Variants in GPR160 observed in about 807,000 individuals in gnomAD.
The protein encoded by GPR160 is G protein-coupled receptor 160, also known as probable G protein-coupled receptor 160.
A neutral mutation model predicts 2.6 loss-of-function variants in GPR160; 2 were observed. The ratio of observed to expected loss-of-function variants is 0.77; its 90% confidence interval spans 0.32 to 2.44. The LOEUF (loss-of-function observed/expected upper bound fraction) is 2.44. GPR160 is among the 30% of genes most tolerant of loss of function. The pLI is 0.11. For missense variants in GPR160, 351 were observed against 383.6 expected (o/e 0.91, Z 0.71); for synonymous variants, 130 against 132.2 (o/e 0.98, Z 0.12).
Position 170,084,430 on chromosome 3 carries a change from A to ATGTT in GPR160, c.460_463dup (p.Leu155CysfsTer66). 1 of 1,610,966 alleles carries ATGTT rather than the reference A, an allele frequency of 6.2e-7. No homozygotes were observed. Among genetic ancestry groups the ATGTT allele is most frequent in the Non-Finnish European group, 8.5e-7 (1 of 1,177,192 alleles). ...TTAATTTGGATTTCAGTCCTTGCTT[A>ATGTT]TGTTTTGGGAGACCCAGCCATCTAC... is the stretch of plus-strand genomic sequence containing the variant. On this transcript the variant is annotated frameshift_variant, in exon 4 of 4. Transcript: ENST00000355897. LOFTEE classifies it low-confidence loss of function (END_TRUNC).
At chr3:170,071,545 C>T (rs1247990333) in intron 2 of GPR160, among the ~76,000 whole-genome samples, 1 of 152,108 alleles carries the variant, frequency 6.6e-6, no homozygotes, top group Admixed American at 6.5e-5. Context: ...GTAATCCCAG[C>T]ACTTTGGGAG....
At chr3:170,075,599 T>C (rs969483838) in intron 2 of GPR160, among the ~76,000 whole-genome samples, 4 of 152,218 alleles carry the variant, frequency 2.6e-5, no homozygotes, top group East Asian at 3.8e-4. Flanking sequence ...ATGTACCATC[T>C]GGAATGCATT....
At chr3:170,081,714 C>T (rs1260752628) in intron 3 of GPR160, among the ~76,000 whole-genome samples, 1 of 152,150 alleles carries the variant, frequency 6.6e-6, no homozygotes, top group African/African-American at 2.4e-5. Context: ...TTCTGCTTCT[C>T]TCCCTCCTCC....
intron 2 of GPR160, among the ~76,000 whole-genome samples, chr3:170,049,647 C>T (rs1716871592): frequency 6.6e-6 from 1 of 152,192 alleles, no homozygotes; most frequent in Admixed American, 6.5e-5. Context: ...GCCTCCAGGG[C>T]TGGTGTAGAG....
At chr3:170,066,430 C>T (rs1011791188) in intron 2 of GPR160, among the ~76,000 whole-genome samples, 1 of 152,004 alleles carries the variant, frequency 6.6e-6, no homozygotes, top group Non-Finnish European at 1.5e-5. Context: ...TGAGCCACCG[C>T]GCCTGGCCAT....
At chr3:170,056,634 G>T (rs780517473) in intron 2 of GPR160, among the ~76,000 whole-genome samples, 1 of 152,184 alleles carries the variant, frequency 6.6e-6, no homozygotes. Flanking sequence ...TCCATAACTG[G>T]TGGCATATTA....
In GPR160 at chr3:170,062,676, A is replaced by G. The variant is rs1712028919; in HGVS notation, c.-192-17098A>G. The G allele has an allele frequency of 1.0e-5, 15 of 1,439,734 alleles. No homozygotes were observed. In the South Asian group the frequency reaches 1.7e-4, roughly 16 times the overall value. The allele number at this position is 1,439,734 out of a possible 1,614,324, so 89.2% of individuals were successfully genotyped here. ...GCCATCGCCAAGCAAGCCTTGAAATAGCCCATCAAGGGCAAACAGGCCCCC... is the reference window on the plus strand; with the variant it reads ...GCCATCGCCAAGCAAGCCTTGAAATGGCCCATCAAGGGCAAACAGGCCCCC... On this transcript the variant is annotated intron_variant, in intron 2 of 3. Coordinates refer to ENST00000355897, the MANE Select transcript of GPR160 (RefSeq NM_014373.3).
Position 170,085,093 on chromosome 3 carries a change from CCTGA to C in GPR160, c.*109_*112del, listed in dbSNP as rs1444944640. On this transcript the variant is annotated 3_prime_UTR_variant, in exon 4 of 4. Coordinates refer to ENST00000355897, the MANE Select transcript of GPR160 (RefSeq NM_014373.3). Reference sequence around the variant, plus strand: ...AACTGAACTAAAACAACTTTTGCCCCCTGACTGATAGCATTTCAGAATGTGTCTT... The same window carrying C: ...AACTGAACTAAAACAACTTTTGCCCCCTGATAGCATTTCAGAATGTGTCTT... The C allele has an allele frequency of 4.2e-5, 22 of 524,796 alleles. No individual in the cohort carries two copies. The highest frequency in any genetic ancestry group is 5.2e-4 in the Middle Eastern group (1 of 1,926). 32.5% of individuals were successfully genotyped at this position (524,796 alleles called of 1,614,324 possible).
chr3:170,038,798 C>T lies in GPR160; in HGVS notation c.-321-117C>T, dbSNP rs1346696068. Reference sequence around the variant, plus strand: ...TGCCCGGCTATTTGTTTTCCGAGGCCGTTGCGTCCGGGTAGGTTCCTGGAT... The same window carrying T: ...TGCCCGGCTATTTGTTTTCCGAGGCTGTTGCGTCCGGGTAGGTTCCTGGAT... On this transcript the variant is annotated intron_variant, in intron 1 of 3. Coordinates refer to ENST00000355897, the MANE Select transcript of GPR160 (RefSeq NM_014373.3). The surrounding 1 kb of genome is among the most constrained non-coding windows in gnomAD (Gnocchi z 5.3). The T allele has an allele frequency of 6.6e-6, 1 of 152,150 alleles. No individual in the cohort carries two copies. The highest frequency in any genetic ancestry group is 1.9e-4 in the East Asian group (1 of 5,170). 9.4% of individuals were successfully genotyped at this position (152,150 alleles called of 1,614,324 possible). A position where few individuals can be genotyped will look rare whatever the true frequency, so the allele number is the denominator to read the frequency against.
Position 170,075,588 on chromosome 3 carries a change from A to G in GPR160, c.-192-4186A>G, listed in dbSNP as rs543823065. On this transcript the variant is annotated intron_variant, in intron 2 of 3. Coordinates refer to ENST00000355897, the MANE Select transcript of GPR160 (RefSeq NM_014373.3). ...GTTGACAGAGGCTCCACCATCTTGTAATGTACCATCTGGAATGCATTGCCT... is the reference window on the plus strand; with the variant it reads ...GTTGACAGAGGCTCCACCATCTTGTGATGTACCATCTGGAATGCATTGCCT... Among the ~76,000 whole-genome samples, 19 of 152,272 alleles carry G rather than the reference A, an allele frequency of 1.2e-4. No homozygotes were observed. The East Asian group carries it at 2.9e-3, about 23-fold the overall frequency.
intron 2 of GPR160, among the ~76,000 whole-genome samples, chr3:170,074,886 G>C (rs934958896): frequency 2.0e-5 from 3 of 151,884 alleles, no homozygotes; most frequent in Non-Finnish European, 4.4e-5. Flanking sequence ...TTTAAATTTA[G>C]GTTATTGAAT....
chr3:170,062,688 G>T, intron 2 of GPR160: 2 of 1,433,476 alleles, frequency 1.4e-6, no homozygotes, highest in South Asian at 1.2e-5. Context: ...CCCATCAAGG[G>T]CAAACAGGCC....
intron 2 of GPR160, among the ~76,000 whole-genome samples, chr3:170,051,377 T>A (rs946263810): frequency 6.6e-6 from 1 of 152,194 alleles, no homozygotes; most frequent in Non-Finnish European, 1.5e-5. Flanking sequence ...ACCATCCTCT[T>A]ATTGAGGTTC....
chr3:170,082,015 C>T lies in GPR160; in HGVS notation c.-68-1890C>T, dbSNP rs139203009. The stretch of plus-strand genomic sequence containing the variant: ...ATTCCATGTTTTTACTATTGTCACA[C>T]TGATTTATCTTCAGACAAAATTATT... On this transcript the variant is annotated intron_variant, in intron 3 of 3. Transcript: ENST00000355897. Among the ~76,000 whole-genome samples the T allele has an allele frequency of 5.9e-5, 9 of 152,222 alleles. No individual in the cohort carries two copies. In the East Asian group the frequency reaches 1.5e-3, roughly 26 times the overall value.
At chr3:170,064,496 A>ATTCTTTTCTT (rs375138387) in intron 2 of GPR160, among the ~76,000 whole-genome samples, 5 of 121,840 alleles carry the variant, frequency 4.1e-5, no homozygotes, top group African/African-American at 1.4e-4. Flanking sequence ...CACGGGACCC[A>ATTCTTTTCTT]TTCTTTTCTT....
intron 2 of GPR160, chr3:170,062,148 C>G (rs1202280326): frequency 6.5e-6 from 1 of 153,198 alleles, no homozygotes; most frequent in Non-Finnish European, 1.5e-5. Flanking sequence ...TCGGGCCCTA[C>G]TGGGCCTAGC....
chr3:170,039,544 C>T (rs1185249627), intron 2 of GPR160, among the ~76,000 whole-genome samples: 2 of 152,124 alleles, frequency 1.3e-5, no homozygotes, highest in African/African-American at 2.4e-5. Flanking sequence ...CCCTTCTCTA[C>T]TAAAAATACA....
chr3:170,075,889 G>C (rs1307017497), intron 2 of GPR160, among the ~76,000 whole-genome samples: 2 of 152,158 alleles, frequency 1.3e-5, no homozygotes, highest in Admixed American at 6.5e-5. Flanking sequence ...TTATGTTTGG[G>C]TTGGTGGGAA....
chr3:170,079,896 G>C lies in GPR160; in HGVS notation c.-70G>C, dbSNP rs1713040183. The C allele has an allele frequency of 6.6e-6, 1 of 152,200 alleles. No homozygotes were observed. The highest frequency in any genetic ancestry group is 1.5e-5 in the Non-Finnish European group (1 of 68,046). 9.4% of individuals were successfully genotyped at this position (152,200 alleles called of 1,614,324 possible). A position where few individuals can be genotyped will look rare whatever the true frequency, so the allele number is the denominator to read the frequency against. ...CATCAGTCAAGGAAGACCCACTGGA[G>C]AGTAAGTATGCAAGTTGTTAATAAT... On this transcript the variant is annotated splice_region_variant and 5_prime_UTR_variant, in exon 3 of 4. Transcript: ENST00000355897.
Sources: allele counts gnomAD v4.1 joint callset (sites outside exome capture counted in the v4.1 genomes callset), GRCh38; gene constraint gnomAD v4.1.1; non-coding constraint Gnocchi (gnomAD v3.1); transcripts MANE v1.5; gene names NCBI Gene and HGNC (gene_info 2026-07-23, HGNC 2026-07-21).